Variants in PTPRO observed in about 807,000 individuals in gnomAD.
The protein encoded by PTPRO is receptor-type tyrosine-protein phosphatase O.
Under a neutral mutation model 145.2 loss-of-function variants are expected in PTPRO, and 62 were observed. The ratio of observed to expected loss-of-function variants is 0.43; its 90% CI spans 0.35 to 0.53. The LOEUF (loss-of-function observed/expected upper bound fraction) is 0.53. Among genes scored for constraint, PTPRO ranks in the 20% least tolerant of loss-of-function variants. The pLI, the probability that PTPRO is intolerant of heterozygous loss-of-function variation, is 0.01. For synonymous variants in PTPRO, 565 were observed against 514.7 expected (o/e 1.10, Z -1.32); for missense variants, 1,345 against 1,482.7 (o/e 0.91, Z 1.53).
intron 1 of PTPRO, among the ~76,000 whole-genome samples, chr12:15,454,261 T>C (rs1331904198): frequency 6.6e-6 from 1 of 152,166 alleles, no homozygotes; most frequent in African/African-American, 2.4e-5. Flanking sequence ...ATCCCAACAG[T>C]TGTGCAATGA....
intron 1 of PTPRO, among the ~76,000 whole-genome samples, chr12:15,459,661 G>A (rs560408558): frequency 9.2e-5 from 14 of 152,286 alleles, no homozygotes; most frequent in East Asian, 5.8e-4. Flanking sequence ...TGATGGGAAC[G>A]AAGATCCAAG....
chr12:15,496,370 G>A (rs1018104629), intron 2 of PTPRO, among the ~76,000 whole-genome samples: 6 of 151,812 alleles, frequency 4.0e-5, no homozygotes, highest in Admixed American at 2.0e-4. Flanking sequence ...TCAAACTCCC[G>A]ACCTCAGGTG....
chr12:15,476,642 C>T (rs11056516), intron 1 of PTPRO, among the ~76,000 whole-genome samples: 14,678 of 148,370 alleles, frequency 0.099, 827 homozygotes, highest in East Asian at 0.24. Context: ...TCCTTGCCCA[C>T]GCCTATGTCC....
chr12:15,350,562 G>A (rs1402591941), intron 1 of PTPRO, among the ~76,000 whole-genome samples: 2 of 152,166 alleles, frequency 1.3e-5, no homozygotes, highest in Admixed American at 6.6e-5. Context: ...TTTGCTATTG[G>A]AAAATGAGAG....
intron 1 of PTPRO, among the ~76,000 whole-genome samples, chr12:15,350,059 A>G (rs2136229805): frequency 6.6e-6 from 1 of 152,324 alleles, no homozygotes; most frequent in African/African-American, 2.4e-5. Flanking sequence ...TGGACTGAAG[A>G]GAAGGATTTG....
intron 12 of PTPRO, among the ~76,000 whole-genome samples, chr12:15,542,691 T>C (rs1300533309): frequency 6.6e-6 from 1 of 152,250 alleles, no homozygotes; most frequent in Non-Finnish European, 1.5e-5. Flanking sequence ...CGATATACTT[T>C]ATGTAACCAA....
chr12:15,442,777 A>C (rs1039174387), intron 1 of PTPRO, among the ~76,000 whole-genome samples: 9 of 151,910 alleles, frequency 5.9e-5, no homozygotes, highest in Non-Finnish European at 1.2e-4. Flanking sequence ...CTGGAAGTAC[A>C]TCTAAACAAA....
chr12:15,460,676 G>T (rs569717384), intron 1 of PTPRO, among the ~76,000 whole-genome samples: 4 of 152,276 alleles, frequency 2.6e-5, no homozygotes, highest in Admixed American at 6.5e-5. Context: ...AGTTGATTTG[G>T]TAAGTTTTTG....
chr12:15,400,233 C>T (rs1939453392), intron 1 of PTPRO, among the ~76,000 whole-genome samples: 1 of 151,592 alleles, frequency 6.6e-6, no homozygotes, highest in South Asian at 2.1e-4. Flanking sequence ...TCAGGTGATC[C>T]ACCCGCCTTG....
rs1944248443 is a variant in PTPRO at position 15,578,962 on chromosome 12, C to T, written c.2920+19C>T. 1.3e-6 allele frequency: 2 copies of T among 1,528,690 alleles called. No individual in the cohort carries two copies. Among genetic ancestry groups the T allele is most frequent in the Admixed American group, 1.7e-5 (1 of 59,838 alleles). 94.7% of individuals were successfully genotyped at this position (1,528,690 alleles called of 1,614,324 possible). ...CTACCATGTAAGATCGTCAATTGTG[C>T]CAATAACACTCATGTCTTAAGGGTT... is the stretch of plus-strand genomic sequence containing the variant. On this transcript the variant is annotated intron_variant, in intron 20 of 26. Transcript: ENST00000281171.
intron 1 of PTPRO, among the ~76,000 whole-genome samples, chr12:15,459,268 G>A (rs57984286): frequency 0.21 from 31,457 of 151,978 alleles, 4,094 homozygotes; most frequent in Admixed American, 0.31. Context: ...CTGTGATGGG[G>A]GCCGGCATGC....
chr12:15,328,962 T>C (rs1400886798), intron 1 of PTPRO, among the ~76,000 whole-genome samples: 2 of 152,198 alleles, frequency 1.3e-5, no homozygotes, highest in African/African-American at 4.8e-5. Context: ...TTAATAGTAA[T>C]CTATATGAGA....
intron 15 of PTPRO, among the ~76,000 whole-genome samples, chr12:15,556,353 G>GT (rs1457921546): frequency 6.6e-6 from 1 of 152,122 alleles, no homozygotes; most frequent in Non-Finnish European, 1.5e-5. Context: ...TGCCAGTAAT[G>GT]TTAAAATCTC....
At chr12:15,422,443 G>C (rs939848309) in intron 1 of PTPRO, among the ~76,000 whole-genome samples, 4 of 152,086 alleles carry the variant, frequency 2.6e-5, no homozygotes, top group African/African-American at 9.7e-5. Context: ...CTCCATAATT[G>C]AGTGCCAACT....
At chr12:15,542,433 T>C (rs1943199876) in intron 12 of PTPRO, among the ~76,000 whole-genome samples, 1 of 152,238 alleles carries the variant, frequency 6.6e-6, no homozygotes, top group South Asian at 2.1e-4. Context: ...CTACGGGCCA[T>C]GGGTTGGACA....
chr12:15,508,621 A>C lies in PTPRO; in HGVS notation c.1318A>C (p.Ser440Arg), dbSNP rs1479960363. Residue 440 changes from serine (S) to arginine (R), a missense_variant, in exon 7 of 27, where the codon AGT (serine) becomes CGT (arginine). Transcript: ENST00000281171. ...EELTEKPQHV[S>R]VHVLSSTTAL... is the part of the protein sequence containing the mutation. ...ACTGACCGAGAAGCCGCAGCACGTG[A>C]GTGTCCACGTTTTAAGCTCAACCAC... 6.2e-7 allele frequency: 1 copy of C among 1,614,058 alleles called. No individual in the cohort carries two copies.
At chr12:15,557,249 G>A (rs958980418) in intron 15 of PTPRO, among the ~76,000 whole-genome samples, 1 of 151,962 alleles carries the variant, frequency 6.6e-6, no homozygotes, top group Non-Finnish European at 1.5e-5. Context: ...CCATGTTGGC[G>A]AAACTCCTGA....
intron 1 of PTPRO, among the ~76,000 whole-genome samples, chr12:15,420,003 T>C (rs183963740): frequency 6.0e-5 from 9 of 151,164 alleles, no homozygotes; most frequent in Non-Finnish European, 1.3e-4. Flanking sequence ...AAAAATTAGC[T>C]GGGCGCGGTG....
At chr12:15,359,070 A>T (rs945179280) in intron 1 of PTPRO, among the ~76,000 whole-genome samples, 1 of 152,222 alleles carries the variant, frequency 6.6e-6, no homozygotes, top group Non-Finnish European at 1.5e-5. Flanking sequence ...ATAAAACCTC[A>T]GTTGGAACTG....
Sources: allele counts gnomAD v4.1 joint callset (sites outside exome capture counted in the v4.1 genomes callset), GRCh38; gene constraint gnomAD v4.1.1; transcripts MANE v1.5; gene names NCBI Gene and HGNC (gene_info 2026-07-23, HGNC 2026-07-21).